The following LRRK2 variants were observed in gnomAD, a reference collection of about 807,000 sequenced individuals.
LRRK2 encodes the protein leucine-rich repeat serine/threonine-protein kinase 2.
LRRK2 carries 203 observed loss-of-function variants against 302.6 expected under a neutral mutation model. The observed-to-expected ratio is 0.67, with a 90% CI of 0.60 to 0.75. The LOEUF is 0.75. LRRK2 is among the 30% of genes least tolerant of loss of function. The pLI, the probability that LRRK2 is intolerant of heterozygous loss-of-function variation, is 0.00. For synonymous variants in LRRK2, 1,066 were observed against 1,031.9 expected (o/e 1.03, Z -0.63); for missense variants, 2,830 against 2,951.0 (o/e 0.96, Z 0.95).
At chr12:40,345,693 A>G (rs1424737782) in intron 41 of LRRK2, among the ~76,000 whole-genome samples, 11 of 151,448 alleles carry the variant, frequency 7.3e-5, no homozygotes, top group Admixed American at 6.6e-4. Context: ...TACCCGACGC[A>G]TAAATTCATT....
intron 45 of LRRK2, among the ~76,000 whole-genome samples, chr12:40,354,837 AAAAAAAATATATAT>A (rs1157076556): frequency 1.3e-4 from 1 of 7,674 alleles, no homozygotes; most frequent in East Asian, 1.9e-3. Context: ...TCTTTGAAAA[AAAAAAAATATATAT>A]ATATATATAT....
At chr12:40,356,448 A>G (rs1443736509) in intron 46 of LRRK2, among the ~76,000 whole-genome samples, 2 of 152,238 alleles carry the variant, frequency 1.3e-5, no homozygotes, top group Non-Finnish European at 2.9e-5. Flanking sequence ...AAATAATTCA[A>G]TTTGTACATA....
rs1404914393 is a variant in LRRK2 at position 40,309,136 on chromosome 12, AT to A, written c.4224del (p.Phe1408LeufsTer2). The A allele has an allele frequency of 1.2e-6, 2 of 1,613,774 alleles. No individual in the cohort carries two copies. Among genetic ancestry groups the A allele is most frequent in the Non-Finnish European group, 1.7e-6 (2 of 1,179,880 alleles). ...GAGGAATTCTATAGTACTCATCCCCATTTTATGACGCAGCGAGCATTGTACC... is the reference window on the plus strand; with the variant it reads ...GAGGAATTCTATAGTACTCATCCCCATTTATGACGCAGCGAGCATTGTACC... ...GREEFYSTHP[H>X]FMTQRALYLA... On this transcript the variant is annotated frameshift_variant, in exon 30 of 51. Coordinates refer to ENST00000298910, the MANE Select transcript of LRRK2 (RefSeq NM_198578.4). LOFTEE classifies it high-confidence loss of function.
At position 40,287,550 on chromosome 12, in the gene LRRK2, T is replaced by C. The variant is rs201235847; in HGVS notation, c.2689+11T>C. ...ACCTGGATAGTGAAGGTATTTATTA[T>C]AAAAAAAAACCCTTTATGCTTTATA... On this transcript the variant is annotated intron_variant, in intron 20 of 50. Coordinates refer to ENST00000298910, the MANE Select transcript of LRRK2 (RefSeq NM_198578.4). 1.2e-6 allele frequency: 2 copies of C among 1,603,016 alleles called. No individual in the cohort carries two copies. Among genetic ancestry groups the C allele is most frequent in the Non-Finnish European group, 1.7e-6 (2 of 1,172,826 alleles).
Position 40,356,137 on chromosome 12 carries a change from G to T in LRRK2, c.6793G>T (p.Val2265Phe). The T allele has an allele frequency of 6.2e-7, 1 of 1,612,162 alleles. No homozygotes were observed. Residue 2265 changes from valine to phenylalanine, a missense_variant, in exon 46 of 51, where the codon GTT becomes TTT. Val to Phe is a conservative substitution (Grantham distance 50). Transcript: ENST00000298910. ...TAGCAAACAAAAAAATTTTCTTTTG[G>T]TTGGAACCGCTGATGGCAAGTTAGC... ...KQSKQKNFLL[V>F]GTADGKLAIF...
chr12:40,249,787 A>C (rs763584950), intron 7 of LRRK2, 39 bp from the exon 8 acceptor site: 1 of 1,609,714 alleles, frequency 6.2e-7, no homozygotes, highest in African/African-American at 1.3e-5. Context: ...TTTAACTTCC[A>C]TGGATGAGAA....
intron 38 of LRRK2, among the ~76,000 whole-genome samples, chr12:40,327,441 G>T (rs981327657): frequency 1.3e-5 from 2 of 152,118 alleles, no homozygotes; most frequent in African/African-American, 4.8e-5. Context: ...AGACATTAGC[G>T]TTTTAAAAAG....
chr12:40,367,662 C>T lies in LRRK2; in HGVS notation c.7481C>T (p.Thr2494Ile). ...QKQKEIQSCLTVWDINLPHEV... is the reference protein window; with the variant it reads ...QKQKEIQSCLIVWDINLPHEV... ...TTTCTAGAGATACAATCTTGCTTGA[C>T]CGTTTGGGACATCAATCTTCCACAT... The change falls in exon 51 of 51, where the codon ACC becomes ATC. Residue 2494 changes from threonine (T) to isoleucine (I), a missense_variant. Physicochemically the swap from Thr to Ile is moderately conservative, Grantham distance 89. Coordinates refer to ENST00000298910, the MANE Select transcript of LRRK2 (RefSeq NM_198578.4). 6.2e-7 allele frequency: 1 copy of T among 1,602,886 alleles called. No homozygotes were observed. Among genetic ancestry groups the T allele is most frequent in the Non-Finnish European group, 8.5e-7 (1 of 1,173,642 alleles).
rs34594498 is a variant in LRRK2 at position 40,252,984 on chromosome 12, C to T, written c.1256C>T (p.Ala419Val). ...SSSKEVFQAS[A>V]NALSTLLEQN... ...TCAAAGGAAGTTTTCCAGGCATCTG[C>T]GAATGCATTGTCAACTCTCTTAGAA... The change falls in exon 11 of 51, where the codon GCG becomes GTG. Residue 419 changes from alanine (A) to valine (V), a missense_variant. Around this residue, in one of 3 missense-constraint regions of LRRK2, gnomAD observed 2,121 missense variants for 2,148.0 expected, o/e 0.99. Coordinates refer to ENST00000298910, the MANE Select transcript of LRRK2 (RefSeq NM_198578.4). The T allele has an allele frequency of 4.3e-4, 694 of 1,612,656 alleles. 6 individuals are homozygous for T. In the East Asian group the frequency reaches 0.01, roughly 24 times the overall value.
intron 31 of LRRK2, among the ~76,000 whole-genome samples, chr12:40,311,406 G>T (rs1490471486): frequency 6.6e-6 from 1 of 152,028 alleles, no homozygotes; most frequent in Non-Finnish European, 1.5e-5. Context: ...CAGGGAGTGT[G>T]GTGTAAACTG....
intron 14 of LRRK2, among the ~76,000 whole-genome samples, chr12:40,273,290 T>C (rs751115003): frequency 1.2e-4 from 19 of 152,158 alleles, no homozygotes; most frequent in South Asian, 4.1e-4. Context: ...CTAAATTTAA[T>C]TGGCCTCCAA....
At chr12:40,225,749 C>A in intron 2 of LRRK2, 109 bp downstream of exon 2, 2 of 886,278 alleles carry the variant, frequency 2.3e-6, no homozygotes, top group Non-Finnish European at 3.7e-6. Context: ...CAAAATTTGG[C>A]TTGAGGAACC....
chr12:40,360,861 A>G (rs1946682627), intron 47 of LRRK2, among the ~76,000 whole-genome samples: 1 of 87,110 alleles, frequency 1.1e-5, no homozygotes, highest in Admixed American at 1.2e-4. Flanking sequence ...CCTTACCTGG[A>G]TGACTATTAT....
At chr12:40,263,404 T>C (rs200079901) in intron 13 of LRRK2, among the ~76,000 whole-genome samples, 1 of 151,000 alleles carries the variant, frequency 6.6e-6, no homozygotes, top group Admixed American at 6.6e-5. Flanking sequence ...CATTTCTGCC[T>C]TTTTATGTTG....
Position 40,322,506 on chromosome 12 carries a change from G to A in LRRK2, c.5505G>A (p.Glu1835=), listed in dbSNP as rs1945433796. ...TTGATGACTTGATGAAGAAAGCAGA[G>A]GAAGGTATGTTTTGATACAACTTAC... ...ILLDDLMKKA[E]EGDLLVNPDQ... is the part of the protein sequence containing the mutation. Residue 1835 remains glutamate, a synonymous_variant, in exon 37 of 51, where the codon GAG becomes GAA. Coordinates refer to ENST00000298910, the MANE Select transcript of LRRK2 (RefSeq NM_198578.4). 7 of 1,612,448 alleles carry A rather than the reference G, an allele frequency of 4.3e-6. No individual in the cohort carries two copies. The highest frequency in any genetic ancestry group is 1.1e-5 in the South Asian group (1 of 90,914).
intron 18 of LRRK2, among the ~76,000 whole-genome samples, chr12:40,278,559 T>C (rs776201949): frequency 6.6e-6 from 1 of 152,222 alleles, no homozygotes; most frequent in Non-Finnish European, 1.5e-5. Flanking sequence ...CCAGATACAC[T>C]CCACATAACA....
intron 3 of LRRK2, among the ~76,000 whole-genome samples, chr12:40,233,350 T>G (rs1248870853): frequency 6.6e-6 from 1 of 152,244 alleles, no homozygotes; most frequent in Non-Finnish European, 1.5e-5. Context: ...TTATGAAAAT[T>G]TAATTTATGA....
At chr12:40,280,795 G>A (rs535496983) in intron 18 of LRRK2, among the ~76,000 whole-genome samples, 3 of 151,700 alleles carry the variant, frequency 2.0e-5, no homozygotes, top group Non-Finnish European at 4.4e-5. Context: ...GGTCGGGTGC[G>A]GTGGCTCACG....
intron 33 of LRRK2, chr12:40,316,345 A>G (rs1210366788): frequency 1.0e-6 from 1 of 985,034 alleles, no homozygotes; most frequent in Admixed American, 6.2e-5. Flanking sequence ...GGAACTCAAG[A>G]GCATATTGAA....
Sources: gnomAD v4.1 joint callset for allele counts (sites outside exome capture counted in the v4.1 genomes callset) on GRCh38, gnomAD v4.1.1 for gene constraint, gnomAD v4.1.1 regional missense constraint, MANE v1.5 for transcripts, NCBI Gene and HGNC (gene_info 2026-07-23, HGNC 2026-07-21) for gene names.